PTPN13: variants seen among roughly 807,000 people sequenced by gnomAD.
PTPN13 encodes tyrosine-protein phosphatase non-receptor type 13.
Under a neutral mutation model 284.0 loss-of-function variants are expected in PTPN13, and 191 were observed. The ratio of observed to expected loss-of-function variants is 0.67; its 90% CI spans 0.60 to 0.76. PTPN13 has a LOEUF of 0.76. Among genes scored for constraint, PTPN13 ranks in the 30% least tolerant of loss-of-function variants. The pLI, the probability that PTPN13 is intolerant of heterozygous loss-of-function variation, is 0.00. For synonymous variants in PTPN13, 986 were observed against 1,022.3 expected, an observed-to-expected ratio of 0.96 and a Z score of 0.68; for missense variants, 2,797 against 2,939.9, an observed-to-expected ratio of 0.95 and a Z score of 1.12.
Position 86,731,873 on chromosome 4 carries a change from C to T in PTPN13, c.1609-527C>T, listed in dbSNP as rs561511307. Among the ~76,000 whole-genome samples the T allele has an allele frequency of 2.7e-4, 41 of 152,226 alleles. No individual in the cohort carries two copies. The South Asian group carries it at 5.4e-3, about 20-fold the overall frequency. On this transcript the variant is annotated intron_variant, in intron 10 of 47. Transcript: ENST00000411767. ...CCCAGGTTGGTCTGAAACTCCTGGCCTCAAGCGATCCTCCTGCCTTAGCCT... is the reference window on the plus strand; with the variant it reads ...CCCAGGTTGGTCTGAAACTCCTGGCTTCAAGCGATCCTCCTGCCTTAGCCT...
In PTPN13 at chr4:86,751,009, T is replaced by G; in HGVS notation, c.3069-18T>G. 4 of 1,586,340 alleles carry G rather than the reference T, an allele frequency of 2.5e-6. No homozygotes were observed. The highest frequency in any genetic ancestry group is 3.5e-6 in the Non-Finnish European group (4 of 1,158,814). ...TTTACATTAACACTTCCCTCCTACC[T>G]TCCTTTTCCCTCTTCAGTTCAAAGT... On this transcript the variant is annotated intron_variant, in intron 18 of 47. Transcript: ENST00000411767.
In PTPN13 at chr4:86,717,117, G is replaced by A. The variant is rs1733117451; in HGVS notation, c.1385G>A (p.Ser462Asn). The change falls in exon 9 of 48, where the codon AGC (serine) becomes AAC (asparagine). Residue 462 changes from serine (S) to asparagine (N), a missense_variant and splice_region_variant. By Grantham distance (46) the Ser-to-Asn change is conservative (BLOSUM62 1). Transcript: ENST00000411767. ...AGTCAAGGCCAGTCACAGAGACCGA[G>A]GTATGTCATGAAAAAGTAGTGATGA... Reference protein sequence around the residue: ...TLSQGQSQRPSRQYETPFEGN... With the variant: ...TLSQGQSQRPNRQYETPFEGN... 6.2e-7 allele frequency: 1 copy of A among 1,601,412 alleles called. No individual in the cohort carries two copies. Among genetic ancestry groups the A allele is most frequent in the Non-Finnish European group, 8.5e-7 (1 of 1,170,902 alleles).
intron 40 of PTPN13, among the ~76,000 whole-genome samples, chr4:86,791,532 T>C (rs996358099): frequency 6.6e-6 from 1 of 152,198 alleles, no homozygotes; most frequent in Non-Finnish European, 1.5e-5. Context: ...ACTCTGAGAA[T>C]GGACAGACTG....
chr4:86,764,658 T>C lies in PTPN13; in HGVS notation c.4083T>C (p.Pro1361=). The C allele has an allele frequency of 6.2e-7, 1 of 1,602,766 alleles. No homozygotes were observed. The highest frequency in any genetic ancestry group is 1.3e-5 in the African/African-American group (1 of 74,672). The change falls in exon 25 of 48, where the codon CCT becomes CCC. Residue 1361 remains proline (P), a synonymous_variant. Transcript: ENST00000411767. ...MNFKTFSSSP[P]KPGDIFEVEL... is the part of the protein sequence containing the mutation. ...TTAAAACTTTTTCTTCATCACCTCC[T>C]AAGCCTGGAGATATCTTTGAGGTTG...
At chr4:86,809,696 A>G in intron 45 of PTPN13, 73 bp from the exon 46 acceptor site, 1 of 1,410,902 alleles carries the variant, frequency 7.1e-7, no homozygotes, top group Non-Finnish European at 1.0e-6. Context: ...ATCTCAAGAA[A>G]GAAAAAAAAG....
At chr4:86,705,979 C>T (rs939630791) in intron 7 of PTPN13, among the ~76,000 whole-genome samples, 1 of 152,096 alleles carries the variant, frequency 6.6e-6, no homozygotes, top group African/African-American at 2.4e-5. Context: ...GATAATATAG[C>T]TTTTTCCTTA....
At chr4:86,733,774 G>A (rs1735204408) in intron 12 of PTPN13, among the ~76,000 whole-genome samples, 1 of 151,976 alleles carries the variant, frequency 6.6e-6, no homozygotes, top group Non-Finnish European at 1.5e-5. Flanking sequence ...TCTTTTATTT[G>A]TAGAGAGTAA....
chr4:86,696,345 A>G (rs1030314679), intron 6 of PTPN13, among the ~76,000 whole-genome samples: 1 of 151,948 alleles, frequency 6.6e-6, no homozygotes. Flanking sequence ...GAAGTGTAAT[A>G]TATTTGTAGT....
intron 42 of PTPN13, among the ~76,000 whole-genome samples, chr4:86,800,064 C>T (rs1399175329): frequency 6.6e-6 from 1 of 151,862 alleles, no homozygotes; most frequent in Non-Finnish European, 1.5e-5. Flanking sequence ...TTTCTAACTC[C>T]TGAGCTCAGG....
chr4:86,776,212 C>T (rs937117106), intron 35 of PTPN13, among the ~76,000 whole-genome samples: 23 of 152,226 alleles, frequency 1.5e-4, no homozygotes, highest in Admixed American at 1.4e-3. Context: ...TCCCAAAGTG[C>T]TGGGATTACA....
At chr4:86,643,494 A>G (rs1187640300) in intron 2 of PTPN13, among the ~76,000 whole-genome samples, 1 of 152,218 alleles carries the variant, frequency 6.6e-6, no homozygotes, top group African/African-American at 2.4e-5. Context: ...ATTAGAATTT[A>G]TAGACAACTT....
In PTPN13 at chr4:86,775,551, C is replaced by T; in HGVS notation, c.5790C>T (p.Val1930=). Residue 1930 remains valine (V), a synonymous_variant, in exon 35 of 48, where the codon GTC becomes GTT. Coordinates refer to ENST00000411767, the MANE Select transcript of PTPN13 (RefSeq NM_080683.3). ...AGGGTAATCTCCAGCTATTAGATGT[C>T]ATCCATTATGTGAACGGAGTCAGCA... ...AIEGNLQLLD[V]IHYVNGVSTQ... is the part of the protein sequence containing the mutation. The T allele has an allele frequency of 6.2e-7, 1 of 1,613,544 alleles. No individual in the cohort carries two copies. The highest frequency in any genetic ancestry group is 8.5e-7 in the Non-Finnish European group (1 of 1,179,668).
intron 1 of PTPN13, among the ~76,000 whole-genome samples, chr4:86,605,417 G>A (rs540673314): frequency 6.6e-6 from 1 of 151,916 alleles, no homozygotes; most frequent in Admixed American, 6.6e-5. Context: ...AAGATCAAAG[G>A]TGGTGAAAGA....
chr4:86,751,249 T>C, intron 19 of PTPN13, 125 bp downstream of exon 19: 1 of 682,458 alleles, frequency 1.5e-6, no homozygotes, highest in Non-Finnish European at 2.5e-6. Context: ...GAATATAAAT[T>C]TTAGGCTACT....
At chr4:86,762,066 A>G (rs1339769254) in intron 23 of PTPN13, among the ~76,000 whole-genome samples, 1 of 152,186 alleles carries the variant, frequency 6.6e-6, no homozygotes, top group African/African-American at 2.4e-5. Context: ...TCCGCCTCCC[A>G]GGTTCAAGTG....
chr4:86,681,004 A>T (rs1374141236), intron 3 of PTPN13, among the ~76,000 whole-genome samples: 2 of 152,184 alleles, frequency 1.3e-5, no homozygotes, highest in Non-Finnish European at 2.9e-5. Context: ...AGGCTGAGAG[A>T]CAAAGAAAAG....
chr4:86,780,283 C>G (rs898743109), intron 35 of PTPN13, 119 bp from the exon 36 acceptor site: 3 of 785,388 alleles, frequency 3.8e-6, no homozygotes, highest in Non-Finnish European at 6.5e-6. Context: ...GCCTGTGGTC[C>G]CAGCTCCTTG....
chr4:86,624,449 CT>C (rs1383056451), intron 1 of PTPN13, among the ~76,000 whole-genome samples: 1 of 152,092 alleles, frequency 6.6e-6, no homozygotes, highest in Non-Finnish European at 1.5e-5. Flanking sequence ...AGTCCCTTTG[CT>C]TTGTTTAGTT....
At chr4:86,731,253 A>G (rs571929576) in intron 10 of PTPN13, among the ~76,000 whole-genome samples, 1 of 152,286 alleles carries the variant, frequency 6.6e-6, no homozygotes, top group Non-Finnish European at 1.5e-5. Context: ...TTTGCCCATT[A>G]AGATATGATC....
Sources: allele counts gnomAD v4.1 joint callset (sites outside exome capture counted in the v4.1 genomes callset), GRCh38; gene constraint gnomAD v4.1.1; transcripts MANE v1.5; gene names NCBI Gene and HGNC (gene_info 2026-07-23, HGNC 2026-07-21).